Variants in FAS observed in about 807,000 individuals in gnomAD.
FAS encodes the protein Fas cell surface death receptor.
FAS carries 5 observed loss-of-function variants against 33.2 expected under a neutral mutation model. The ratio of observed to expected loss-of-function variants is 0.15; its 90% CI spans 0.08 to 0.32. The LOEUF is 0.32. Ranked by LOEUF, FAS falls within the 10% of genes least tolerant of loss-of-function variation. The pLI, the probability that FAS is intolerant of heterozygous loss-of-function variation, is 1.00. For missense variants in FAS, 339 were observed against 386.0 expected (o/e 0.88, Z 1.02); for synonymous variants, 131 against 130.7 (o/e 1.00, Z -0.01).
chr10:89,006,656 T>G (rs1564690248), intron 2 of FAS, among the ~76,000 whole-genome samples: 1 of 151,412 alleles, frequency 6.6e-6, no homozygotes, highest in Non-Finnish European at 1.5e-5. Flanking sequence ...CCCCATAGCA[T>G]TTTTTTAGCA....
intron 1 of FAS, among the ~76,000 whole-genome samples, chr10:88,997,873 G>C (rs1290660653): frequency 6.6e-6 from 1 of 152,110 alleles, no homozygotes; most frequent in African/African-American, 2.4e-5. Flanking sequence ...AGCCTAGCAG[G>C]ACCAATAAGT....
chr10:89,001,940 C>T (rs1190391284), intron 1 of FAS, among the ~76,000 whole-genome samples: 4 of 152,178 alleles, frequency 2.6e-5, no homozygotes, highest in Non-Finnish European at 5.9e-5. Context: ...GAGGGGAACA[C>T]AAACTCAGCT....
At chr10:88,991,001 G>GGCA in intron 1 of FAS, 95 bp downstream of exon 1, 1 of 1,564,564 alleles carries the variant, frequency 6.4e-7, no homozygotes, top group African/African-American at 1.4e-5. Context: ...GGATTGCGGC[G>GGCA]GCAGCGGCGC....
At chr10:88,984,836 A>G (rs1424232834), upstream of FAS, among the ~76,000 whole-genome samples, 1 of 152,182 alleles carries the variant, frequency 6.6e-6, no homozygotes, top group Non-Finnish European at 1.5e-5. Flanking sequence ...AGACCATGGG[A>G]GGGGAGAGCC....
chr10:88,991,002 GC>G, intron 1 of FAS, 96 bp downstream of exon 1: 1 of 1,557,912 alleles, frequency 6.4e-7, no homozygotes, highest in Non-Finnish European at 8.8e-7. Context: ...GATTGCGGCG[GC>G]AGCGGCGCAC....
At chr10:88,989,004 C>T (rs1847011817), upstream of FAS, among the ~76,000 whole-genome samples, 1 of 152,168 alleles carries the variant, frequency 6.6e-6, no homozygotes, top group Admixed American at 6.5e-5. Flanking sequence ...GGGGGTATGG[C>T]ATAGAAAGAG....
chr10:88,984,314 G>T (rs1443204328), upstream of FAS, among the ~76,000 whole-genome samples: 1 of 152,166 alleles, frequency 6.6e-6, no homozygotes, highest in East Asian at 1.9e-4. Context: ...AGAGTCTAAA[G>T]TGGGAGGTGT....
chr10:89,010,489 A>C, intron 4 of FAS, 50 bp from the exon 5 acceptor site: 1 of 1,506,078 alleles, frequency 6.6e-7, no homozygotes, highest in South Asian at 1.1e-5. Flanking sequence ...AAAATTATAA[A>C]GGAATTATTC....
At chr10:89,000,595 C>T (rs754264909) in intron 1 of FAS, among the ~76,000 whole-genome samples, 41 of 152,040 alleles carry the variant, frequency 2.7e-4, no homozygotes, top group Admixed American at 7.2e-4. Context: ...AAATGTCCCT[C>T]TTTTCTTTCA....
chr10:88,981,554 G>A (rs1275340578), intron 2 of FAS, among the ~76,000 whole-genome samples: 1 of 152,130 alleles, frequency 6.6e-6, no homozygotes, highest in African/African-American at 2.4e-5. Flanking sequence ...TAGGACAGAG[G>A]AAGAACCAAG....
At chr10:88,996,008 T>C (rs1043987087) in intron 1 of FAS, among the ~76,000 whole-genome samples, 1 of 152,188 alleles carries the variant, frequency 6.6e-6, no homozygotes, top group Non-Finnish European at 1.5e-5. Flanking sequence ...ATTTGACAAT[T>C]TGACATTGGA....
At chr10:88,996,852 C>T (rs1847627901) in intron 1 of FAS, among the ~76,000 whole-genome samples, 2 of 152,288 alleles carry the variant, frequency 1.3e-5, no homozygotes, top group South Asian at 4.1e-4. Context: ...CAAGCCCCTC[C>T]CTCTCTCTGT....
upstream of FAS, among the ~76,000 whole-genome samples, chr10:88,983,812 AAACCC>A (rs1846788488): frequency 6.6e-6 from 1 of 152,200 alleles, no homozygotes; most frequent in Non-Finnish European, 1.5e-5. Context: ...GAACTTTGAT[AAACCC>A]ATTGAATGAC....
intron 1 of FAS, among the ~76,000 whole-genome samples, chr10:88,998,872 T>C (rs1044628680): frequency 6.6e-6 from 1 of 152,052 alleles, no homozygotes; most frequent in Non-Finnish European, 1.5e-5. Flanking sequence ...AAAAAAAAAT[T>C]CGGCCGGGCA....
intron 2 of FAS, among the ~76,000 whole-genome samples, chr10:89,005,494 T>C (rs956459967): frequency 3.9e-5 from 6 of 152,148 alleles, no homozygotes; most frequent in Non-Finnish European, 8.8e-5. Flanking sequence ...ACATATTTCA[T>C]ATATACACAT....
At chr10:89,013,028 T>C (rs1375832797) in intron 7 of FAS, among the ~76,000 whole-genome samples, 1 of 152,078 alleles carries the variant, frequency 6.6e-6, no homozygotes, top group Non-Finnish European at 1.5e-5. Context: ...AATTTTAGAG[T>C]AGTTATATTT....
upstream of FAS, among the ~76,000 whole-genome samples, chr10:88,986,274 T>C (rs1388368258): frequency 6.6e-6 from 1 of 152,182 alleles, no homozygotes; most frequent in African/African-American, 2.4e-5. Flanking sequence ...GGGGTAGGCA[T>C]GCTTCTCATG....
intron 1 of FAS, among the ~76,000 whole-genome samples, chr10:88,965,665 T>C (rs112868385): frequency 1.6e-5 from 1 of 62,862 alleles, no homozygotes; most frequent in South Asian, 2.7e-4. Flanking sequence ...GCCATTATAA[T>C]GCAAAGCATC....
Position 89,014,446 on chromosome 10 carries a change from T to C in FAS, c.1004T>C (p.Val335Ala), listed in dbSNP as rs952783804. 5 of 1,608,116 alleles carry C rather than the reference T, an allele frequency of 3.1e-6. No homozygotes were observed. Among genetic ancestry groups the C allele is most frequent in the Non-Finnish European group, 4.2e-6 (5 of 1,179,788 alleles). The change falls in exon 9 of 9, where the codon GTC becomes GCC. Residue 335 changes from valine to alanine, a missense_variant. Coordinates refer to ENST00000652046, the MANE Select transcript of FAS (RefSeq NM_000043.6). ...SNFRNEIQSL[V>A] Reference sequence around the variant, plus strand: ...TTCAGAAATGAAATCCAAAGCTTGGTCTAGAGTGAAAAACAACAAATTCAG... The same window carrying C: ...TTCAGAAATGAAATCCAAAGCTTGGCCTAGAGTGAAAAACAACAAATTCAG...
Sources: gnomAD v4.1 joint callset for allele counts (sites outside exome capture counted in the v4.1 genomes callset) on GRCh38, gnomAD v4.1.1 for gene constraint, MANE v1.5 for transcripts, NCBI Gene and HGNC (gene_info 2026-07-23, HGNC 2026-07-21) for gene names.